The following LANCL2 variants were observed in gnomAD, a reference collection of about 807,000 sequenced individuals.
LANCL2 encodes the protein LanC like glutathione S-transferase 2.
Under a neutral mutation model 56.9 loss-of-function variants are expected in LANCL2, and 33 were observed. The observed-to-expected ratio is 0.58, with a 90% confidence interval of 0.44 to 0.78. LANCL2 has a LOEUF of 0.78. Ranked by LOEUF, LANCL2 falls within the 30% of genes least tolerant of loss-of-function variation. LANCL2 has a pLI of 0.00. For missense variants in LANCL2, 562 were observed against 580.2 expected, an observed-to-expected ratio of 0.97 and a Z score of 0.32; for synonymous variants, 233 against 228.2, an observed-to-expected ratio of 1.02 and a Z score of -0.19.
chr7:55,428,625 T>A (rs1790694258), intron 8 of LANCL2, among the ~76,000 whole-genome samples, 178 bp downstream of exon 8: 1 of 152,186 alleles, frequency 6.6e-6, no homozygotes, highest in African/African-American at 2.4e-5. Flanking sequence ...TACCTATTGT[T>A]TTGTGCTCCT....
chr7:55,394,562 C>T (rs893757962), intron 2 of LANCL2, among the ~76,000 whole-genome samples: 1 of 152,102 alleles, frequency 6.6e-6, no homozygotes, highest in Non-Finnish European at 1.5e-5. Flanking sequence ...CCTGTCTCAA[C>T]AAAAGAAGAA....
intron 1 of LANCL2, among the ~76,000 whole-genome samples, chr7:55,387,747 G>A (rs1212748981): frequency 6.6e-6 from 1 of 151,946 alleles, no homozygotes; most frequent in Non-Finnish European, 1.5e-5. Context: ...ACCTTTTCAT[G>A]ACTTACACAG....
intron 5 of LANCL2, among the ~76,000 whole-genome samples, chr7:55,403,571 T>G (rs1204563819): frequency 4.8e-5 from 3 of 62,614 alleles, no homozygotes; most frequent in Non-Finnish European, 1.1e-4. Flanking sequence ...TGTTTGTTGT[T>G]TTTTTTTTTT....
At chr7:55,373,025 A>T (rs1172793478) in intron 1 of LANCL2, among the ~76,000 whole-genome samples, 1 of 152,176 alleles carries the variant, frequency 6.6e-6, no homozygotes, top group Non-Finnish European at 1.5e-5. Context: ...CCACAGTAGA[A>T]CCTACCAGCT....
chr7:55,378,173 A>G (rs777728449), intron 1 of LANCL2, among the ~76,000 whole-genome samples: 67 of 152,230 alleles, frequency 4.4e-4, no homozygotes, highest in Non-Finnish European at 5.9e-4. Context: ...TTATAATACC[A>G]TTATTGCCAG....
chr7:55,393,296 G>A (rs1281464286), intron 2 of LANCL2, among the ~76,000 whole-genome samples: 2 of 152,194 alleles, frequency 1.3e-5, no homozygotes, highest in Non-Finnish European at 2.9e-5. Flanking sequence ...ACTTTGGGAG[G>A]CCAAAGACGG....
At chr7:55,398,746 T>C (rs1790285502) in intron 3 of LANCL2, 116 bp downstream of exon 3, 6 of 771,884 alleles carry the variant, frequency 7.8e-6, no homozygotes, top group Non-Finnish European at 1.1e-5. Context: ...AACAGATCAC[T>C]CCAAAATGTT....
At chr7:55,390,062 G>C (rs180923679) in intron 1 of LANCL2, among the ~76,000 whole-genome samples, 2 of 152,256 alleles carry the variant, frequency 1.3e-5, no homozygotes, top group Non-Finnish European at 2.9e-5. Flanking sequence ...AATTTCAGTA[G>C]AATTTGCCCT....
chr7:55,370,350 C>A (rs1430236576), intron 1 of LANCL2, among the ~76,000 whole-genome samples: 2 of 152,200 alleles, frequency 1.3e-5, no homozygotes, highest in Non-Finnish European at 2.9e-5. Flanking sequence ...ATCACACCTG[C>A]CATATTGTAT....
intron 6 of LANCL2, 110 bp from the exon 7 acceptor site, chr7:55,425,144 A>G: frequency 9.4e-7 from 1 of 1,059,582 alleles, no homozygotes; most frequent in Non-Finnish European, 1.4e-6. Flanking sequence ...CCCCAGTGCC[A>G]TTTCAGTTTT....
At chr7:55,390,573 TCCAGCC>T (rs1385585626) in intron 1 of LANCL2, among the ~76,000 whole-genome samples, 12 of 152,070 alleles carry the variant, frequency 7.9e-5, no homozygotes, top group Admixed American at 7.9e-4. Flanking sequence ...ACCATTGCAC[TCCAGCC>T]TGGGTGACGA....
chr7:55,367,458 C>T (rs896561996), intron 1 of LANCL2, among the ~76,000 whole-genome samples: 21 of 152,244 alleles, frequency 1.4e-4, no homozygotes, highest in African/African-American at 4.3e-4. Context: ...GGCGCGGTGG[C>T]TCACGCCAGT....
At chr7:55,373,127 C>T (rs1218787647) in intron 1 of LANCL2, among the ~76,000 whole-genome samples, 1 of 152,124 alleles carries the variant, frequency 6.6e-6, no homozygotes, top group South Asian at 2.1e-4. Context: ...CTTGAAACTT[C>T]AAACAGGAGC....
At chr7:55,420,216 A>G (rs1790593780) in intron 6 of LANCL2, among the ~76,000 whole-genome samples, 1 of 152,076 alleles carries the variant, frequency 6.6e-6, no homozygotes, top group Non-Finnish European at 1.5e-5. Context: ...TTTTCCTCTA[A>G]GCACTATTTT....
chr7:55,398,687 A>G, intron 3 of LANCL2, 57 bp downstream of exon 3: 1 of 1,285,322 alleles, frequency 7.8e-7, no homozygotes, highest in Non-Finnish European at 1.1e-6. Flanking sequence ...CTCTTGCTGT[A>G]GAAAGATATT....
intron 5 of LANCL2, among the ~76,000 whole-genome samples, chr7:55,402,452 G>A (rs528011590): frequency 1.3e-3 from 174 of 138,288 alleles, no homozygotes; most frequent in South Asian, 9.4e-3. Flanking sequence ...CCTCCCGGAC[G>A]GGGCGGCTGG....
intron 6 of LANCL2, among the ~76,000 whole-genome samples, chr7:55,421,105 G>T (rs1264856190): frequency 6.6e-6 from 1 of 152,104 alleles, no homozygotes; most frequent in East Asian, 1.9e-4. Flanking sequence ...CTTTCAACCT[G>T]TATGGGACTT....
intron 8 of LANCL2, 26 bp downstream of exon 8, chr7:55,428,473 T>G: frequency 6.2e-7 from 1 of 1,602,162 alleles, no homozygotes; most frequent in Non-Finnish European, 8.6e-7. Flanking sequence ...ATGCTATAGA[T>G]TAAATGTTTG....
At chr7:55,407,630 C>G (rs1316868961) in intron 5 of LANCL2, among the ~76,000 whole-genome samples, 1 of 152,160 alleles carries the variant, frequency 6.6e-6, no homozygotes, top group Non-Finnish European at 1.5e-5. Flanking sequence ...TGGGCCTTGT[C>G]AATCAGTTGA....
Sources: gnomAD v4.1 joint callset for allele counts (sites outside exome capture counted in the v4.1 genomes callset) on GRCh38, gnomAD v4.1.1 for gene constraint, MANE v1.5 for transcripts, NCBI Gene and HGNC (gene_info 2026-07-23, HGNC 2026-07-21) for gene names.